PHF24: variants seen among roughly 807,000 people sequenced by gnomAD.
PHF24 encodes the protein PHD finger protein 24.
Under a neutral mutation model 42.6 loss-of-function variants are expected in PHF24, and 25 were observed. That is an observed-to-expected ratio of 0.59 (90% CI 0.43 to 0.82). The LOEUF (loss-of-function observed/expected upper bound fraction) is 0.82, where lower values mean the gene tolerates loss of function less well. PHF24 is among the 40% of genes least tolerant of loss of function. The probability of loss-of-function intolerance (pLI) is 0.00; values close to 1 mark genes in which losing one functional copy is unlikely to be tolerated. For synonymous variants in PHF24, 185 were observed against 204.8 expected, an observed-to-expected ratio of 0.90 and a Z score of 0.83; for missense variants, 470 against 538.1, an observed-to-expected ratio of 0.87 and a Z score of 1.25.
the PHF24 span, among the ~76,000 whole-genome samples, chr9:34,810,070 G>C: frequency 6.6e-6 from 1 of 151,804 alleles, no homozygotes; most frequent in South Asian, 2.1e-4. Context: ...GCTGCATGCT[G>C]TCCGCCCTCA....
At chr9:34,794,719 A>G in the PHF24 span, among the ~76,000 whole-genome samples, 2 of 152,220 alleles carry the variant, frequency 1.3e-5, no homozygotes, top group South Asian at 4.1e-4. Context: ...CAATAAAGAA[A>G]GCAGTGAAAA....
the PHF24 span, among the ~76,000 whole-genome samples, chr9:34,775,565 T>G: frequency 6.6e-6 from 1 of 152,190 alleles, no homozygotes; most frequent in African/African-American, 2.4e-5. Flanking sequence ...TTTACTACAA[T>G]AAAAATATAT....
At chr9:34,677,641 A>G in the PHF24 span, among the ~76,000 whole-genome samples, 1 of 151,822 alleles carries the variant, frequency 6.6e-6, no homozygotes, top group East Asian at 1.9e-4. Context: ...CTCGTGATCC[A>G]CCCGCCTGGG....
chr9:34,893,048 G>A, the PHF24 span: 2 of 944,750 alleles, frequency 2.1e-6, no homozygotes, highest in African/African-American at 1.6e-5. Flanking sequence ...GTTCTCACCT[G>A]CCAGCAATTG....
the PHF24 span, among the ~76,000 whole-genome samples, chr9:34,877,500 G>A: frequency 6.6e-5 from 10 of 152,260 alleles, no homozygotes; most frequent in East Asian, 1.5e-3. Context: ...TTATTGTTTA[G>A]TAGGTACAGA....
the PHF24 span, among the ~76,000 whole-genome samples, chr9:34,701,988 C>T: frequency 3.3e-5 from 5 of 152,140 alleles, no homozygotes; most frequent in African/African-American, 1.2e-4. The surrounding 1 kb of genome is among the most constrained non-coding windows in gnomAD (Gnocchi z 5.8). Context: ...TCGCTCGCAC[C>T]CGATAGATAT....
At chr9:34,969,744 G>T (rs1037689157) in intron 1 of PHF24, among the ~76,000 whole-genome samples, 1 of 151,850 alleles carries the variant, frequency 6.6e-6, no homozygotes, top group African/African-American at 2.4e-5. Context: ...TATTTCCATG[G>T]TAACAGATAC....
chr9:34,760,977 G>A, the PHF24 span, among the ~76,000 whole-genome samples: 3 of 145,212 alleles, frequency 2.1e-5, no homozygotes, highest in Admixed American at 7.0e-5. Flanking sequence ...GGGTGACAGA[G>A]TGAAACTCCG....
At chr9:34,673,244 T>TA in the PHF24 span, among the ~76,000 whole-genome samples, 1 of 151,648 alleles carries the variant, frequency 6.6e-6, no homozygotes, top group Non-Finnish European at 1.5e-5. Context: ...CAGTCCCAGC[T>TA]ACTCGAGAGA....
chr9:34,693,827 T>C, the PHF24 span, among the ~76,000 whole-genome samples: 1 of 152,226 alleles, frequency 6.6e-6, no homozygotes, highest in Non-Finnish European at 1.5e-5. Flanking sequence ...CTGTAAGTTA[T>C]TACTTTTTGT....
the PHF24 span, among the ~76,000 whole-genome samples, chr9:34,735,250 C>T: frequency 1.3e-5 from 2 of 150,588 alleles, no homozygotes; most frequent in African/African-American, 4.9e-5. Context: ...ATTCTCCTGC[C>T]TCAGCCTCCC....
At chr9:34,878,992 G>A in the PHF24 span, among the ~76,000 whole-genome samples, 1 of 152,132 alleles carries the variant, frequency 6.6e-6, no homozygotes, top group Non-Finnish European at 1.5e-5. Context: ...ACAGCCAGGT[G>A]CCCTTTGAGA....
the PHF24 span, among the ~76,000 whole-genome samples, chr9:34,758,750 A>T: frequency 6.6e-6 from 1 of 152,172 alleles, no homozygotes; most frequent in African/African-American, 2.4e-5. This position sits in a 1 kb window ranked among gnomAD's most constrained non-coding sequence, Gnocchi z 4.4. Flanking sequence ...AGGGCAATGT[A>T]GCTGTGTGAA....
At chr9:34,853,785 G>A in the PHF24 span, among the ~76,000 whole-genome samples, 76 of 140,718 alleles carry the variant, frequency 5.4e-4, no homozygotes, top group Non-Finnish European at 7.4e-4. Context: ...CCGAGATCCC[G>A]CCACTGCACT....
the PHF24 span, chr9:34,837,475 T>C: frequency 1.8e-6 from 1 of 566,860 alleles, no homozygotes; most frequent in East Asian, 3.1e-5. Flanking sequence ...ATGGGAATAA[T>C]GTAGAGAATT....
chr9:34,891,807 C>T, the PHF24 span, among the ~76,000 whole-genome samples: 1 of 152,178 alleles, frequency 6.6e-6, no homozygotes, highest in African/African-American at 2.4e-5. Context: ...CCTGGATCTA[C>T]AGAGATCTCT....
chr9:34,878,078 A>G, the PHF24 span, among the ~76,000 whole-genome samples: 1 of 152,192 alleles, frequency 6.6e-6, no homozygotes, highest in South Asian at 2.1e-4. Context: ...ATGTATCAAT[A>G]TTGGCTCCTC....
chr9:34,773,888 G>T, the PHF24 span, among the ~76,000 whole-genome samples: 1 of 152,286 alleles, frequency 6.6e-6, no homozygotes, highest in South Asian at 2.1e-4. Flanking sequence ...ATGTAATGTG[G>T]GGTCCTGGAT....
At chr9:34,721,433 C>CTCTCTCTCTCTCTCTCTCTCTG in the PHF24 span, among the ~76,000 whole-genome samples, 1 of 141,966 alleles carries the variant, frequency 7.0e-6, no homozygotes, top group African/African-American at 2.5e-5. Context: ...CTCTCTCTCT[C>CTCTCTCTCTCTCTCTCTCTCTG]GATGGAGTTT....
Sources: allele counts gnomAD v4.1 joint callset (sites outside exome capture counted in the v4.1 genomes callset), GRCh38; gene constraint gnomAD v4.1.1; non-coding constraint Gnocchi (gnomAD v3.1); transcripts MANE v1.5; gene names NCBI Gene and HGNC (gene_info 2026-07-23, HGNC 2026-07-21).